Variants in AJM1 observed in about 807,000 individuals in gnomAD.
AJM1 encodes the protein uncharacterized protein C9orf172.
In AJM1, 22 loss-of-function variants were observed where a neutral mutation model predicts 43.0. The ratio of observed to expected loss-of-function variants is 0.51; its 90% CI spans 0.37 to 0.73. The LOEUF (loss-of-function observed/expected upper bound fraction) is 0.73. Among genes scored for constraint, AJM1 ranks in the 30% least tolerant of loss-of-function variants. AJM1 has a pLI of 0.00. For missense variants in AJM1, 1,305 were observed against 1,343.3 expected, an observed-to-expected ratio of 0.97 and a Z score of 0.45; for synonymous variants, 719 against 638.3, an observed-to-expected ratio of 1.13 and a Z score of -1.91.
rs761962723 is a variant in AJM1 at position 136,844,251 on chromosome 9, C to T, written c.-88C>T. ...CCGCGTTCTCGGCCCAGGCCCGCAG[C>T]CAGGGCTGCTCCGCCCGCTGCGCCC... On this transcript the variant is annotated 5_prime_UTR_variant, in exon 2 of 3. Transcript: ENST00000436881. Among the ~76,000 whole-genome samples the T allele has an allele frequency of 2.0e-5, 3 of 152,232 alleles. No homozygotes were observed. The highest frequency in any genetic ancestry group is 2.9e-5 in the Non-Finnish European group (2 of 68,038).
In AJM1 at chr9:136,846,090, G is replaced by A. The variant is rs1588381584; in HGVS notation, c.1676G>A (p.Arg559Gln). The A allele has an allele frequency of 6.5e-6, 10 of 1,529,858 alleles. 1 individual carries two copies. In the East Asian group the frequency reaches 2.0e-4, roughly 30 times the overall value. 94.8% of individuals were successfully genotyped at this position (1,529,858 alleles called of 1,614,324 possible). Residue 559 changes from arginine to glutamine, a missense_variant, in exon 3 of 3, where the codon CGG (arginine) becomes CAG (glutamine). Transcript: ENST00000436881. ...TGGGAGTTGCCCGGGGGCCGCACGCGGCCACCTCCCCACGCGGCCCCCGAC... is the reference window on the plus strand; with the variant it reads ...TGGGAGTTGCCCGGGGGCCGCACGCAGCCACCTCCCCACGCGGCCCCCGAC... The part of the protein sequence containing the change: ...RAWELPGGRT[R>Q]PPPHAAPDGP...
intron 1 of AJM1, among the ~76,000 whole-genome samples, chr9:136,842,839 G>A (rs1228928306): frequency 6.6e-6 from 1 of 152,128 alleles, no homozygotes; most frequent in Non-Finnish European, 1.5e-5. Context: ...CATCCCCACG[G>A]GAGGGGGTGT....
Position 136,845,790 on chromosome 9 carries a change from G to T in AJM1, c.1376G>T (p.Arg459Leu). 1 of 1,571,722 alleles carries T rather than the reference G, an allele frequency of 6.4e-7. No homozygotes were observed. Among genetic ancestry groups the T allele is most frequent in the Admixed American group, 1.8e-5 (1 of 55,596 alleles). Residue 459 changes from arginine to leucine, a missense_variant, in exon 3 of 3, where the codon CGA (arginine) becomes CTA (leucine). This residue lies in a region of AJM1 where 653 missense variants were observed against 549.1 expected (regional missense o/e 1.19). Transcript: ENST00000436881. ...WDNILAPGPR[R>L]EDPLGRGRSY... is the part of the protein sequence containing the mutation. ...AACATTCTGGCCCCGGGGCCGCGCCGAGAAGACCCGTTGGGCCGCGGCCGC... is the reference window on the plus strand; with the variant it reads ...AACATTCTGGCCCCGGGGCCGCGCCTAGAAGACCCGTTGGGCCGCGGCCGC...
At position 136,844,670 on chromosome 9, in the gene AJM1, G is replaced by A. The variant is rs1452620713; in HGVS notation, c.256G>A (p.Glu86Lys). 3.5e-6 allele frequency: 5 copies of A among 1,429,458 alleles called. No homozygotes were observed. Among genetic ancestry groups the A allele is most frequent in the Non-Finnish European group, 4.6e-6 (5 of 1,084,894 alleles). 88.5% of individuals were successfully genotyped at this position (1,429,458 alleles called of 1,614,324 possible). A position where few individuals can be genotyped will look rare whatever the true frequency, so the allele number is the denominator to read the frequency against. The change falls in exon 3 of 3, where the codon GAG (glutamate) becomes AAG (lysine). Residue 86 changes from glutamate to lysine, a missense_variant. Physicochemically the swap from Glu to Lys is moderately conservative, Grantham distance 56. Coordinates refer to ENST00000436881, the MANE Select transcript of AJM1 (RefSeq NM_001080482.5). ...AVPRARTREA[E>K]PRRRARSKSA... is the part of the protein sequence containing the mutation. ...GCCGCGCGCCCGGACCCGCGAAGCCGAGCCACGCCGCCGCGCCCGCTCCAA... is the reference window on the plus strand; with the variant it reads ...GCCGCGCGCCCGGACCCGCGAAGCCAAGCCACGCCGCCGCGCCCGCTCCAA...
rs1392139987 is a variant in AJM1 at position 136,846,760 on chromosome 9, G to A, written c.2346G>A (p.Leu782=). 6.3e-7 allele frequency: 1 copy of A among 1,598,432 alleles called. No homozygotes were observed. The highest frequency in any genetic ancestry group is 8.5e-7 in the Non-Finnish European group (1 of 1,176,640). The part of the protein sequence containing the change: ...GLLLSPTYLS[L]RELATHAAPL... ...TGCTATCCCCCACCTACCTATCGCT[G>A]CGTGAGCTGGCCACACACGCGGCGC... Residue 782 remains leucine (L), a synonymous_variant, in exon 3 of 3, where the codon CTG becomes CTA. Transcript: ENST00000436881.
At chr9:136,843,547 G>A (rs1435611418) in intron 1 of AJM1, among the ~76,000 whole-genome samples, 1 of 152,260 alleles carries the variant, frequency 6.6e-6, no homozygotes, top group African/African-American at 2.4e-5. Flanking sequence ...AACCCTAGGG[G>A]GGTGTCCTGT....
In AJM1 at chr9:136,846,409, C is replaced by T. The variant is rs759310549; in HGVS notation, c.1995C>T (p.Cys665=). 3.8e-6 allele frequency: 6 copies of T among 1,589,990 alleles called. No homozygotes were observed. Among genetic ancestry groups the T allele is most frequent in the Non-Finnish European group, 5.1e-6 (6 of 1,176,284 alleles). Residue 665 remains cysteine (C), a synonymous_variant, in exon 3 of 3, where the codon TGC becomes TGT. Coordinates refer to ENST00000436881, the MANE Select transcript of AJM1 (RefSeq NM_001080482.5). ...PSADEDDLMT[C]SNARCRRTET... ...CCGACGAGGACGACCTGATGACCTG[C>T]TCCAATGCGCGCTGCCGGCGCACCG...
At position 136,845,541 on chromosome 9, in the gene AJM1, CGGA is replaced by C; in HGVS notation, c.1131_1133del (p.Glu377del). On this transcript the variant is annotated inframe_deletion, in exon 3 of 3. Coordinates refer to ENST00000436881, the MANE Select transcript of AJM1 (RefSeq NM_001080482.5). Reference sequence around the variant, plus strand: ...CACTCCACCGCCCGCCCCTTTTACACGGAGGACTTCGGAAGGTACCGCGAGCGT... The same window carrying C: ...CACTCCACCGCCCGCCCCTTTTACACGGACTTCGGAAGGTACCGCGAGCGT... The C allele has an allele frequency of 6.3e-7, 1 of 1,595,314 alleles. No individual in the cohort carries two copies. Among genetic ancestry groups the C allele is most frequent in the Non-Finnish European group, 8.5e-7 (1 of 1,172,322 alleles).
chr9:136,845,387 G>A lies in AJM1; in HGVS notation c.973G>A (p.Gly325Ser). ...GGGGCCCAGTCCAAGGCGCATGGGC[G>A]GCTACTACGCAGGAGAGGTGCGCAC... The part of the protein sequence containing the change: ...LSGPSPRRMG[G>S]YYAGEVRTFP... Residue 325 changes from glycine (G) to serine (S), a missense_variant, in exon 3 of 3, where the codon GGC becomes AGC. Transcript: ENST00000436881. 3 of 1,612,348 alleles carry A rather than the reference G, an allele frequency of 1.9e-6. No individual in the cohort carries two copies. Among genetic ancestry groups the A allele is most frequent in the Non-Finnish European group, 2.5e-6 (3 of 1,179,786 alleles).
At position 136,846,255 on chromosome 9, in the gene AJM1, T is replaced by G; in HGVS notation, c.1841T>G (p.Leu614Arg). The G allele has an allele frequency of 7.3e-7, 1 of 1,361,614 alleles. No individual in the cohort carries two copies. Among genetic ancestry groups the G allele is most frequent in the Non-Finnish European group, 9.5e-7 (1 of 1,051,608 alleles). The allele number at this position is 1,361,614 out of a possible 1,614,324, so 84.3% of individuals were successfully genotyped here. A position where few individuals can be genotyped will look rare whatever the true frequency, so the allele number is the denominator to read the frequency against. ...CTGGGCCCCCAACTGCGCCGACTGCTGGACTCGCGGCCCGCGGGCTCCGGG... is the reference window on the plus strand; with the variant it reads ...CTGGGCCCCCAACTGCGCCGACTGCGGGACTCGCGGCCCGCGGGCTCCGGG... ...DCLGPQLRRL[L>R]DSRPAGSGAP... Residue 614 changes from leucine to arginine, a missense_variant, in exon 3 of 3, where the codon CTG becomes CGG. Physicochemically the swap from Leu to Arg is moderately radical, Grantham distance 102 (BLOSUM62 -2). This residue lies in a region of AJM1 where 391 missense variants were observed against 507.5 expected (regional missense o/e 0.77). Transcript: ENST00000436881.
In AJM1 at chr9:136,846,163, C is replaced by G; in HGVS notation, c.1749C>G (p.Leu583=). The change falls in exon 3 of 3, where the codon CTC becomes CTG. Residue 583 remains leucine (L), a synonymous_variant. Coordinates refer to ENST00000436881, the MANE Select transcript of AJM1 (RefSeq NM_001080482.5). ...GGAGCCTAGAGCAGCTGGACGAGCT[C>G]ATCACGGACCTGGTCATCGACTCGC... is the stretch of plus-strand genomic sequence containing the variant. ...RQRSLEQLDE[L]ITDLVIDSRP... 1 of 1,524,748 alleles carries G rather than the reference C, an allele frequency of 6.6e-7. No individual in the cohort carries two copies. Among genetic ancestry groups the G allele is most frequent in the Non-Finnish European group, 8.8e-7 (1 of 1,142,456 alleles). 94.5% of individuals were successfully genotyped at this position (1,524,748 alleles called of 1,614,324 possible). A position where few individuals can be genotyped will look rare whatever the true frequency, so the allele number is the denominator to read the frequency against.
chr9:136,847,172 G>A lies in AJM1; in HGVS notation c.2758G>A (p.Val920Ile). 1 of 1,603,176 alleles carries A rather than the reference G, an allele frequency of 6.2e-7. No individual in the cohort carries two copies. ...GVFLRHEFPRVYEQLCEFVEA... is the reference protein window; with the variant it reads ...GVFLRHEFPRIYEQLCEFVEA... ...CTTCCTGCGCCACGAGTTCCCGCGC[G>A]TCTACGAGCAGCTTTGCGAGTTCGT... Residue 920 changes from valine to isoleucine, a missense_variant, in exon 3 of 3, where the codon GTC becomes ATC. By Grantham distance (29) the Val-to-Ile change is conservative. Coordinates refer to ENST00000436881, the MANE Select transcript of AJM1 (RefSeq NM_001080482.5).
Position 136,846,089 on chromosome 9 carries a change from C to T in AJM1, c.1675C>T (p.Arg559Trp). The T allele has an allele frequency of 6.5e-7, 1 of 1,529,846 alleles. No individual in the cohort carries two copies. Among genetic ancestry groups the T allele is most frequent in the Non-Finnish European group, 8.8e-7 (1 of 1,142,578 alleles). 94.8% of individuals were successfully genotyped at this position (1,529,846 alleles called of 1,614,324 possible). ...CTGGGAGTTGCCCGGGGGCCGCACG[C>T]GGCCACCTCCCCACGCGGCCCCCGA... Reference protein sequence around the residue: ...RAWELPGGRTRPPPHAAPDGP... With the variant: ...RAWELPGGRTWPPPHAAPDGP... Residue 559 changes from arginine (R) to tryptophan (W), a missense_variant, in exon 3 of 3, where the codon CGG becomes TGG. This residue lies in a region of AJM1 where 653 missense variants were observed against 549.1 expected (regional missense o/e 1.19). Transcript: ENST00000436881.
In AJM1 at chr9:136,848,490, T is replaced by C. The variant is rs1470829892; in HGVS notation, c.*1145T>C. 1 of 151,966 alleles carries C rather than the reference T, an allele frequency of 6.6e-6. No individual in the cohort carries two copies. The highest frequency in any genetic ancestry group is 1.5e-5 in the Non-Finnish European group (1 of 67,986). 9.4% of individuals were successfully genotyped at this position (151,966 alleles called of 1,614,324 possible). A position where few individuals can be genotyped will look rare whatever the true frequency, so the allele number is the denominator to read the frequency against. ...GAGGGTGGGGTATGCGGGAGAGGGG[T>C]GGAGGCCAAACGCAAGGGCCCTCCT... On this transcript the variant is annotated 3_prime_UTR_variant, in exon 3 of 3. Transcript: ENST00000436881.
chr9:136,845,472 G>C lies in AJM1; in HGVS notation c.1058G>C (p.Gly353Ala). 1 of 1,608,768 alleles carries C rather than the reference G, an allele frequency of 6.2e-7. No individual in the cohort carries two copies. Among genetic ancestry groups the C allele is most frequent in the Non-Finnish European group, 8.5e-7 (1 of 1,178,462 alleles). ...SYYGEAPRAY[G>A]LPYGPRYVPE... ...TATGGGGAGGCTCCACGAGCCTACG[G>C]CCTGCCCTACGGGCCCCGCTATGTC... Residue 353 changes from glycine to alanine, a missense_variant, in exon 3 of 3, where the codon GGC (glycine) becomes GCC (alanine). This residue lies in a region of AJM1 where 653 missense variants were observed against 549.1 expected (regional missense o/e 1.19). Transcript: ENST00000436881.
rs748441211 is a variant in AJM1 at position 136,845,365 on chromosome 9, G to A, written c.951G>A (p.Gly317=). ...PRPYPSEELS[G]PSPRRMGGYY... is the part of the protein sequence containing the mutation. ...CCTATCCGTCCGAGGAGCTCTCGGG[G>A]CCCAGTCCAAGGCGCATGGGCGGCT... The change falls in exon 3 of 3, where the codon GGG becomes GGA. Residue 317 remains glycine, a synonymous_variant. Coordinates refer to ENST00000436881, the MANE Select transcript of AJM1 (RefSeq NM_001080482.5). 6 of 1,612,268 alleles carry A rather than the reference G, an allele frequency of 3.7e-6. No individual in the cohort carries two copies. The East Asian group carries it at 8.9e-5, about 24-fold the overall frequency.
rs1848716925 is a variant in AJM1, at chr9:136,842,533, G to C, written c.-200G>C. On this transcript the variant is annotated 5_prime_UTR_variant, in exon 1 of 3. Coordinates refer to ENST00000436881, the MANE Select transcript of AJM1 (RefSeq NM_001080482.5). The stretch of plus-strand genomic sequence containing the variant: ...GGGACGCAGCAGTGCCGGGGACACA[G>C]AGGAGCCGACCTGGGGGTGGCACAG... Among the ~76,000 whole-genome samples, 2 of 152,250 alleles carry C rather than the reference G, an allele frequency of 1.3e-5. No individual in the cohort carries two copies. The highest frequency in any genetic ancestry group is 4.8e-5 in the African/African-American group (2 of 41,464).
In AJM1 at chr9:136,844,419, C is replaced by T. The variant is rs1164655809; in HGVS notation, c.5C>T (p.Thr2Ile). The change falls in exon 3 of 3, where the codon ACC becomes ATC. Residue 2 changes from threonine (T) to isoleucine (I), a missense_variant. Physicochemically the swap from Thr to Ile is moderately conservative, Grantham distance 89. Transcript: ENST00000436881. ...AGCCTGGGGACCTCTTTTAAGATGACCCGTACGGACCCTCCGGACCTGCTG... is the reference window on the plus strand; with the variant it reads ...AGCCTGGGGACCTCTTTTAAGATGATCCGTACGGACCCTCCGGACCTGCTG... M[T>I]RTDPPDLLVS... The T allele has an allele frequency of 1.2e-6, 2 of 1,611,012 alleles. No homozygotes were observed. The highest frequency in any genetic ancestry group is 1.7e-6 in the Non-Finnish European group (2 of 1,178,734).
rs1848770587 is a variant in AJM1 at position 136,846,068 on chromosome 9, G to A, written c.1654G>A (p.Glu552Lys). Residue 552 changes from glutamate to lysine, a missense_variant, in exon 3 of 3, where the codon GAG (glutamate) becomes AAG (lysine). This residue lies in a region of AJM1 where 653 missense variants were observed against 549.1 expected (regional missense o/e 1.19). Transcript: ENST00000436881. The part of the protein sequence containing the change: ...ATERPSARAW[E>K]LPGGRTRPPP... ...CGAGCGCCCGAGCGCCAGGGCCTGG[G>A]AGTTGCCCGGGGGCCGCACGCGGCC... is the stretch of plus-strand genomic sequence containing the variant. 1 of 1,536,302 alleles carries A rather than the reference G, an allele frequency of 6.5e-7. No homozygotes were observed. The highest frequency in any genetic ancestry group is 1.4e-5 in the African/African-American group (1 of 72,244).
Sources: gnomAD v4.1 joint callset for allele counts (sites outside exome capture counted in the v4.1 genomes callset) on GRCh38, gnomAD v4.1.1 for gene constraint, gnomAD v4.1.1 regional missense constraint, MANE v1.5 for transcripts, NCBI Gene and HGNC (gene_info 2026-07-23, HGNC 2026-07-21) for gene names.